Variants in AFF2 observed in about 807,000 individuals in gnomAD.
AFF2 encodes ALF transcription elongation factor 2.
Under a neutral mutation model 76.9 loss-of-function variants are expected in AFF2, and 14 were observed. The observed-to-expected ratio is 0.18, with a 90% CI of 0.12 to 0.28. The LOEUF is 0.28. Ranked by LOEUF, AFF2 falls within the 10% of genes least tolerant of loss-of-function variation. AFF2 has a pLI of 1.00. For missense variants in AFF2, 868 were observed against 1,001.1 expected, an observed-to-expected ratio of 0.87 and a Z score of 1.79; for synonymous variants, 398 against 366.7, an observed-to-expected ratio of 1.09 and a Z score of -0.98.
chrX:148,647,096 T>C (rs2054151563), intron 1 of AFF2, among the ~76,000 whole-genome samples: 2 of 112,150 alleles, frequency 1.8e-5, no homozygotes, highest in South Asian at 7.4e-4. Flanking sequence ...TGGATAAATA[T>C]CTACACATGT....
chrX:148,524,606 A>G (rs1349184658), intron 1 of AFF2, among the ~76,000 whole-genome samples: 1 of 112,698 alleles, frequency 8.9e-6, no homozygotes, highest in East Asian at 2.8e-4. Context: ...CTCTGGATCC[A>G]TTAACATTCA....
intron 19 of AFF2, among the ~76,000 whole-genome samples, chrX:148,986,121 C>G (rs1031164762): frequency 2.1e-5 from 2 of 97,377 alleles, no homozygotes; most frequent in African/African-American, 7.7e-5. Flanking sequence ...GGGGGTGGGG[C>G]AGAAGACAGA....
chrX:148,581,273 T>C (rs111220949), intron 1 of AFF2, among the ~76,000 whole-genome samples: 15 of 124 alleles, frequency 0.12, no homozygotes, highest in Non-Finnish European at 0.2. Flanking sequence ...TGTACACACA[T>C]ATACACGTAT....
At chrX:148,805,460 T>G (rs1557271255) in intron 3 of AFF2, among the ~76,000 whole-genome samples, 1 of 111,417 alleles carries the variant, frequency 9.0e-6, no homozygotes, top group Non-Finnish European at 1.9e-5. Flanking sequence ...ATCATTATTC[T>G]ATTAATGTTT....
At chrX:148,596,703 T>A (rs191605334) in intron 1 of AFF2, among the ~76,000 whole-genome samples, 41 of 112,386 alleles carry the variant, frequency 3.6e-4, no homozygotes, top group Non-Finnish European at 3.4e-4. Context: ...CAAAGAGCTC[T>A]GTGCACAGGT....
chrX:148,536,742 G>C (rs1436497239), intron 1 of AFF2, among the ~76,000 whole-genome samples: 3 of 112,356 alleles, frequency 2.7e-5, no homozygotes, highest in African/African-American at 9.7e-5. Flanking sequence ...CATTGAAGTG[G>C]CTTAATTATT....
chrX:148,795,832 AATATATATATATATATATATATAT>A lies in AFF2; in HGVS notation c.1042-14026_1042-14003del, dbSNP rs1169188980. On this transcript the variant is annotated intron_variant, in intron 3 of 20. Transcript: ENST00000370460. The stretch of plus-strand genomic sequence containing the variant: ...AAAAAAAAAAAAAAAAAAAAAAAAA[AATATATATATATATATATATATAT>A]ATATATATATATATATACACACCTA... Among the ~76,000 whole-genome samples, 138 of 15,536 alleles carry A rather than the reference AATATATATATATATATATATATAT, an allele frequency of 8.9e-3. 1 individual carries two copies. Among genetic ancestry groups the A allele is most frequent in the African/African-American group, 0.016 (67 of 4,201 alleles). The allele number at this position is 15,536 out of a possible 115,157, so 13.5% of individuals were successfully genotyped here. A position where few individuals can be genotyped will look rare whatever the true frequency, so the allele number is the denominator to read the frequency against.
chrX:148,752,578 C>T (rs1449519495), intron 3 of AFF2, among the ~76,000 whole-genome samples: 8 of 111,941 alleles, frequency 7.1e-5, no homozygotes, highest in African/African-American at 2.6e-4. Flanking sequence ...GAATGAGCCA[C>T]AGCACGTCCC....
At chrX:148,792,994 A>G (rs183411460) in intron 3 of AFF2, among the ~76,000 whole-genome samples, 2 of 111,855 alleles carry the variant, frequency 1.8e-5, no homozygotes, top group African/African-American at 3.2e-5. Flanking sequence ...AATAAGTACT[A>G]TTATTTTCTG....
intron 3 of AFF2, among the ~76,000 whole-genome samples, chrX:148,761,675 A>G (rs1443317977): frequency 9.0e-6 from 1 of 110,607 alleles, no homozygotes; most frequent in Non-Finnish European, 1.9e-5. Flanking sequence ...TACAGCAGTG[A>G]ACACAACAGA....
chrX:148,910,012 G>A (rs113675598), intron 9 of AFF2, among the ~76,000 whole-genome samples: 283 of 112,615 alleles, frequency 2.5e-3, no homozygotes, highest in Middle Eastern at 0.014. Context: ...GCACTAATAA[G>A]TTGAGTTGAA....
chrX:148,631,027 C>T (rs1557252971), intron 1 of AFF2, among the ~76,000 whole-genome samples: 1 of 112,105 alleles, frequency 8.9e-6, no homozygotes, highest in Non-Finnish European at 1.9e-5. Context: ...AATCTTCAGC[C>T]CCTTCTTACT....
chrX:148,927,996 C>G (rs1557283986), intron 9 of AFF2, among the ~76,000 whole-genome samples: 1 of 111,593 alleles, frequency 9.0e-6, no homozygotes, highest in African/African-American at 3.3e-5. Flanking sequence ...CTCAATGAAG[C>G]CTTTGGCTCT....
chrX:148,541,290 T>A (rs1182686998), intron 1 of AFF2, among the ~76,000 whole-genome samples: 4 of 112,244 alleles, frequency 3.6e-5, no homozygotes, highest in African/African-American at 1.3e-4. Flanking sequence ...GTGCTTATTG[T>A]TAAAAGGAAT....
intron 1 of AFF2, among the ~76,000 whole-genome samples, chrX:148,611,453 A>G (rs1310638464): frequency 1.8e-5 from 2 of 112,061 alleles, no homozygotes; most frequent in South Asian, 3.7e-4. Flanking sequence ...ACACAACACA[A>G]ATTTATTTTC....
intron 3 of AFF2, among the ~76,000 whole-genome samples, chrX:148,751,754 A>G (rs1345203607): frequency 1.8e-5 from 2 of 111,904 alleles, no homozygotes; most frequent in African/African-American, 3.2e-5. Context: ...ACTAGGCCTC[A>G]TGGATTCTGC....
intron 2 of AFF2, among the ~76,000 whole-genome samples, chrX:148,653,792 T>G (rs915690772): frequency 9.9e-5 from 11 of 111,648 alleles, no homozygotes. Flanking sequence ...GTTCCCAAGT[T>G]TTTTATTTGA....
intron 3 of AFF2, among the ~76,000 whole-genome samples, chrX:148,758,691 C>T (rs2069404792): frequency 8.9e-6 from 1 of 111,809 alleles, no homozygotes; most frequent in Admixed American, 9.5e-5. Flanking sequence ...TTTGATTTAA[C>T]ATTTCCCCTT....
At chrX:148,842,907 C>A in intron 5 of AFF2, 59 bp from the exon 6 acceptor site, 1 of 972,290 alleles carries the variant, frequency 1.0e-6, no homozygotes, top group Non-Finnish European at 1.4e-6. Context: ...ATTAATATAC[C>A]TCTTACTCTC....
Sources: allele counts gnomAD v4.1 joint callset (sites outside exome capture counted in the v4.1 genomes callset), GRCh38; gene constraint gnomAD v4.1.1; transcripts MANE v1.5; gene names NCBI Gene and HGNC (gene_info 2026-07-23, HGNC 2026-07-21).